PHKB: variants seen among roughly 807,000 people sequenced by gnomAD.
The protein encoded by PHKB is phosphorylase b kinase regulatory subunit beta.
Under a neutral mutation model 152.1 loss-of-function variants are expected in PHKB, and 122 were observed. That is an observed-to-expected ratio of 0.80 (90% confidence interval 0.69 to 0.93). The LOEUF is 0.93. Ranked by LOEUF, PHKB falls within the 40% of genes least tolerant of loss-of-function variation. PHKB has a pLI of 0.00. For synonymous variants in PHKB, 436 were observed against 464.9 expected, an observed-to-expected ratio of 0.94 and a Z score of 0.80; for missense variants, 1,304 against 1,328.4, an observed-to-expected ratio of 0.98 and a Z score of 0.29.
intron 1 of PHKB, among the ~76,000 whole-genome samples, chr16:47,485,983 AAG>A (rs1375179961): frequency 6.6e-6 from 1 of 152,010 alleles, no homozygotes; most frequent in Non-Finnish European, 1.5e-5. Context: ...AAGTAGTAAA[AAG>A]AAAAAAAAAG....
At position 47,615,072 on chromosome 16, in the gene PHKB, T is replaced by G. The variant is rs1484267611; in HGVS notation, c.1458+4152T>G. Among the ~76,000 whole-genome samples the G allele has an allele frequency of 4.6e-5, 7 of 152,344 alleles. No homozygotes were observed. In the East Asian group the frequency reaches 1.2e-3, roughly 25 times the overall value. On this transcript the variant is annotated intron_variant, in intron 14 of 30. Coordinates refer to ENST00000323584, the MANE Select transcript of PHKB (RefSeq NM_000293.3). ...TGCCACTTCCTCTGGCTTCCGTAGT[T>G]TCAAATGAGAAATTCCCTGTCAGTT...
intron 14 of PHKB, among the ~76,000 whole-genome samples, chr16:47,639,197 C>T (rs1972973599): frequency 6.6e-6 from 1 of 152,064 alleles, no homozygotes; most frequent in African/African-American, 2.4e-5. Flanking sequence ...TCACCTGAGC[C>T]CAGGATGTCT....
rs1463291758 is a variant in PHKB, at chr16:47,602,276, A to T, written c.1363+5745A>T. ...ATTATTTAATTTCCTTGGAACACTA[A>T]CAAGCTACTTTTAAAGTGATAAAAT... On this transcript the variant is annotated intron_variant, in intron 13 of 30. Transcript: ENST00000323584. Among the ~76,000 whole-genome samples the T allele has an allele frequency of 2.0e-5, 3 of 152,304 alleles. No homozygotes were observed. The East Asian group carries it at 5.8e-4, about 29-fold the overall frequency.
intron 4 of PHKB, among the ~76,000 whole-genome samples, chr16:47,508,590 A>G (rs764404180): frequency 6.6e-6 from 1 of 152,192 alleles, no homozygotes; most frequent in Non-Finnish European, 1.5e-5. Flanking sequence ...AAAATACTCA[A>G]TTACCTCTTC....
intron 7 of PHKB, among the ~76,000 whole-genome samples, chr16:47,549,441 A>T (rs1390752445): frequency 6.6e-6 from 1 of 152,100 alleles, no homozygotes; most frequent in Non-Finnish European, 1.5e-5. Context: ...CTGTAATCCA[A>T]CACTTTGGGA....
rs567179296 is a variant in PHKB at position 47,543,923 on chromosome 16, C to G, written c.595-3510C>G. ...ATGTAATTATTACATCCATGTAATA[C>G]ATTTATTACATCTATTTTTATTACA... On this transcript the variant is annotated intron_variant, in intron 6 of 30. Transcript: ENST00000323584. Among the ~76,000 whole-genome samples, 131 of 152,192 alleles carry G rather than the reference C, an allele frequency of 8.6e-4. 1 individual carries two copies. The highest frequency in any genetic ancestry group is 2.8e-3 in the African/African-American group (117 of 41,540).
intron 13 of PHKB, among the ~76,000 whole-genome samples, chr16:47,610,159 ATTT>A (rs371224839): frequency 8.0e-5 from 8 of 99,430 alleles, no homozygotes; most frequent in Admixed American, 6.4e-4. Flanking sequence ...TGCCCAGCTA[ATTT>A]TTTTTTTTTT....
intron 29 of PHKB, 79 bp downstream of exon 29, chr16:47,696,567 A>G: frequency 2.5e-6 from 2 of 815,816 alleles, no homozygotes; most frequent in South Asian, 1.3e-5. Flanking sequence ...GAAACTGCCT[A>G]TGAGACCCAG....
At chr16:47,485,574 C>G (rs564765973) in intron 1 of PHKB, among the ~76,000 whole-genome samples, 3 of 152,242 alleles carry the variant, frequency 2.0e-5, no homozygotes, top group African/African-American at 7.2e-5. Context: ...GCTTCTTGGT[C>G]AGGACTTCAT....
intron 7 of PHKB, among the ~76,000 whole-genome samples, chr16:47,548,648 A>G (rs1204372310): frequency 6.6e-6 from 1 of 151,880 alleles, no homozygotes. Flanking sequence ...ACACTGGTTG[A>G]GAGGAACCCA....
intron 4 of PHKB, among the ~76,000 whole-genome samples, chr16:47,508,061 C>T (rs1970450520): frequency 1.3e-5 from 2 of 152,182 alleles, no homozygotes; most frequent in African/African-American, 4.8e-5. Flanking sequence ...TAGAAAGTCT[C>T]CCTTCTCCAC....
At chr16:47,609,348 C>T (rs971388682) in intron 13 of PHKB, among the ~76,000 whole-genome samples, 8 of 138,984 alleles carry the variant, frequency 5.8e-5, no homozygotes, top group Non-Finnish European at 1.1e-4. Context: ...ACAGATTTTG[C>T]TTTGTAATTT....
At chr16:47,641,564 C>G (rs757464984) in intron 15 of PHKB, 35 bp from the exon 16 acceptor site, 1 of 1,079,410 alleles carries the variant, frequency 9.3e-7, no homozygotes, top group East Asian at 2.4e-5. Context: ...AATGCATTGT[C>G]TTAAAACGTC....
intron 26 of PHKB, among the ~76,000 whole-genome samples, chr16:47,680,497 G>A (rs1177689424): frequency 6.6e-6 from 1 of 152,192 alleles, no homozygotes; most frequent in Non-Finnish European, 1.5e-5. Flanking sequence ...TTAGTCTTGG[G>A]AGGGTGTATG....
At chr16:47,573,922 A>ATT (rs112321255) in intron 7 of PHKB, among the ~76,000 whole-genome samples, 1 of 151,080 alleles carries the variant, frequency 6.6e-6, no homozygotes, top group African/African-American at 2.4e-5. Flanking sequence ...ACGCAAAACA[A>ATT]TTTTTTTTTC....
At chr16:47,563,797 C>A (rs1335359652) in intron 7 of PHKB, among the ~76,000 whole-genome samples, 1 of 151,916 alleles carries the variant, frequency 6.6e-6, no homozygotes, top group African/African-American at 2.4e-5. Flanking sequence ...ATTATTTATC[C>A]CTCAGCCCCC....
At chr16:47,511,225 A>G (rs1200404036) in intron 4 of PHKB, among the ~76,000 whole-genome samples, 2 of 152,234 alleles carry the variant, frequency 1.3e-5, no homozygotes, top group East Asian at 1.9e-4. Flanking sequence ...AAGAAATTGT[A>G]TTTGAAATTT....
intron 13 of PHKB, among the ~76,000 whole-genome samples, chr16:47,604,696 CAG>C (rs1188084505): frequency 6.6e-6 from 1 of 152,030 alleles, no homozygotes; most frequent in East Asian, 1.9e-4. Context: ...ATTAAAGAAA[CAG>C]ATTTTTCTTA....
chr16:47,499,967 G>A (rs1365622448), intron 3 of PHKB, 73 bp downstream of exon 3: 2 of 1,564,658 alleles, frequency 1.3e-6, no homozygotes, highest in Admixed American at 1.7e-5. Flanking sequence ...GACTAATTGA[G>A]CCGCTATCTT....
Sources: gnomAD v4.1 joint callset for allele counts (sites outside exome capture counted in the v4.1 genomes callset) on GRCh38, gnomAD v4.1.1 for gene constraint, MANE v1.5 for transcripts, NCBI Gene and HGNC (gene_info 2026-07-23, HGNC 2026-07-21) for gene names.